Variants in SBF2 observed in about 807,000 individuals in gnomAD.
The protein encoded by SBF2 is SET binding factor 2, also known as myotubularin-related protein 13.
A neutral mutation model predicts 225.2 loss-of-function variants in SBF2; 112 were observed. That is an observed-to-expected ratio of 0.50 (90% confidence interval 0.43 to 0.58). The LOEUF (loss-of-function observed/expected upper bound fraction) is 0.58. SBF2 is among the 20% of genes least tolerant of loss of function. The pLI is 0.00. For missense variants in SBF2, 1,996 were observed against 2,206.2 expected (o/e 0.90, Z 1.91); for synonymous variants, 763 against 773.3 (o/e 0.99, Z 0.22).
intron 2 of SBF2, among the ~76,000 whole-genome samples, chr11:10,142,637 G>T (rs952011897): frequency 9.2e-5 from 14 of 152,052 alleles, no homozygotes; most frequent in Non-Finnish European, 1.3e-4. Context: ...ATAAAACACT[G>T]ATACTTAGCA....
In SBF2 at chr11:10,294,187, C is replaced by G. The variant is rs563422015; in HGVS notation, c.-118G>C. The G allele has an allele frequency of 3.9e-6, 3 of 776,660 alleles. No homozygotes were observed. Among genetic ancestry groups the G allele is most frequent in the Non-Finnish European group, 5.3e-6 (3 of 570,910 alleles). The allele number at this position is 776,660 out of a possible 1,614,324, so 48.1% of individuals were successfully genotyped here. A position where few individuals can be genotyped will look rare whatever the true frequency, so the allele number is the denominator to read the frequency against. On this transcript the variant is annotated 5_prime_UTR_variant, in exon 1 of 40. Transcript: ENST00000256190. ...AGCGGCAGTAGCGGCAGCGGCAGCG[C>G]TTCAGCCATGTTTGACAACCGAGGC...
intron 9 of SBF2, among the ~76,000 whole-genome samples, chr11:9,996,865 T>C (rs1468022580): frequency 6.6e-6 from 1 of 152,192 alleles, no homozygotes; most frequent in Non-Finnish European, 1.5e-5. Context: ...CACCTAGTCA[T>C]CTCTGTAAAA....
At chr11:10,168,957 C>A (rs902227315) in intron 2 of SBF2, among the ~76,000 whole-genome samples, 1 of 152,126 alleles carries the variant, frequency 6.6e-6, no homozygotes, top group Non-Finnish European at 1.5e-5. Context: ...AAAGTAAGTA[C>A]ATAATATTGT....
At chr11:9,983,116 G>A (rs1326051128) in intron 13 of SBF2, among the ~76,000 whole-genome samples, 1 of 152,220 alleles carries the variant, frequency 6.6e-6, no homozygotes, top group Non-Finnish European at 1.5e-5. Flanking sequence ...GACTTCACAG[G>A]CAGGGGAAGA....
chr11:9,871,515 T>A (rs930295426), intron 17 of SBF2, among the ~76,000 whole-genome samples: 8 of 86,204 alleles, frequency 9.3e-5, no homozygotes, highest in East Asian at 4.8e-4. Flanking sequence ...TATTTTGAGA[T>A]GAGTCTCACT....
intron 2 of SBF2, among the ~76,000 whole-genome samples, chr11:10,190,581 G>A (rs905614713): frequency 6.6e-6 from 1 of 152,180 alleles, no homozygotes; most frequent in Non-Finnish European, 1.5e-5. Context: ...AATTTGATTA[G>A]TGAATGAATG....
chr11:9,794,501 C>A (rs148512821), intron 33 of SBF2, among the ~76,000 whole-genome samples: 1 of 151,426 alleles, frequency 6.6e-6, no homozygotes, highest in Non-Finnish European at 1.5e-5. Context: ...CTTGTCTCTA[C>A]TAAAAATACA....
In SBF2 at chr11:9,917,446, C is replaced by T. The variant is rs576213307; in HGVS notation, c.1861-21435G>A. 2.0e-5 allele frequency among the ~76,000 whole-genome samples: 3 copies of T among 151,678 alleles called. No homozygotes were observed. In the East Asian group the frequency reaches 5.8e-4, roughly 29 times the overall value. On this transcript the variant is annotated intron_variant, in intron 16 of 39. Transcript: ENST00000256190. ...TCCCGAGTTCAAGCAATTCTCCTGC[C>T]TCAGCCTCCCTAGTAGCTGGGATTA...
At chr11:9,867,801 A>G (rs538423779) in intron 17 of SBF2, among the ~76,000 whole-genome samples, 1 of 152,286 alleles carries the variant, frequency 6.6e-6, no homozygotes, top group African/African-American at 2.4e-5. Context: ...CATATCTGGG[A>G]GCAAAAAAAG....
At chr11:9,981,823 C>G (rs1421406953) in intron 13 of SBF2, among the ~76,000 whole-genome samples, 1 of 152,190 alleles carries the variant, frequency 6.6e-6, no homozygotes, top group Non-Finnish European at 1.5e-5. Context: ...TGTTACATTT[C>G]TGTCTTCCAG....
chr11:10,290,724 T>C (rs1964108567), intron 1 of SBF2, among the ~76,000 whole-genome samples: 1 of 152,192 alleles, frequency 6.6e-6, no homozygotes, highest in South Asian at 2.1e-4. Context: ...CTGGACTATT[T>C]GACTGAAATT....
At chr11:10,270,771 A>G (rs1962407478) in intron 1 of SBF2, among the ~76,000 whole-genome samples, 1 of 152,098 alleles carries the variant, frequency 6.6e-6, no homozygotes, top group African/African-American at 2.4e-5. Flanking sequence ...AGGTAGGCGG[A>G]TCACAAGATC....
intron 17 of SBF2, among the ~76,000 whole-genome samples, chr11:9,860,564 C>A (rs776734298): frequency 1.3e-5 from 2 of 151,918 alleles, no homozygotes; most frequent in Admixed American, 6.6e-5. Context: ...CTCCTGGGCT[C>A]GAGTGATCCA....
chr11:9,908,192 A>T (rs1862260406), intron 16 of SBF2, among the ~76,000 whole-genome samples: 1 of 147,230 alleles, frequency 6.8e-6, no homozygotes, highest in Non-Finnish European at 1.5e-5. Flanking sequence ...AATGCAATGG[A>T]AGGGCTTGAA....
chr11:10,248,990 G>C (rs967603494), intron 1 of SBF2, among the ~76,000 whole-genome samples: 2 of 152,216 alleles, frequency 1.3e-5, no homozygotes, highest in Middle Eastern at 3.4e-3. Flanking sequence ...CAGCTACTCA[G>C]GAGGCTGAGG....
intron 2 of SBF2, chr11:10,149,593 C>T (rs1295127766): frequency 6.6e-6 from 1 of 152,178 alleles, no homozygotes; most frequent in African/African-American, 2.4e-5. Flanking sequence ...CATCACATGA[C>T]ATAGATTTCT....
intron 2 of SBF2, among the ~76,000 whole-genome samples, chr11:10,139,798 A>G (rs187267099): frequency 4.9e-4 from 75 of 152,350 alleles, no homozygotes; most frequent in African/African-American, 1.7e-3. Flanking sequence ...CTGCCAAGGA[A>G]AAATCAACAG....
intron 1 of SBF2, among the ~76,000 whole-genome samples, chr11:10,271,103 T>C (rs1962456892): frequency 6.6e-6 from 1 of 151,312 alleles, no homozygotes; most frequent in African/African-American, 2.4e-5. Flanking sequence ...ATGTCAGCAG[T>C]ATGCCACTTC....
At chr11:10,200,496 G>C (rs1199704135) in intron 1 of SBF2, among the ~76,000 whole-genome samples, 1 of 152,094 alleles carries the variant, frequency 6.6e-6, no homozygotes, top group Non-Finnish European at 1.5e-5. Context: ...CAAGACTCTT[G>C]ATTTACTGGA....
Sources: gnomAD v4.1 joint callset for allele counts (sites outside exome capture counted in the v4.1 genomes callset) on GRCh38, gnomAD v4.1.1 for gene constraint, MANE v1.5 for transcripts, NCBI Gene and HGNC (gene_info 2026-07-23, HGNC 2026-07-21) for gene names.